Variants in CACNA1E observed in about 807,000 individuals in gnomAD.
CACNA1E encodes the protein calcium voltage-gated channel subunit alpha1 E.
CACNA1E carries 40 observed loss-of-function variants against 259.2 expected under a neutral mutation model. The observed-to-expected ratio is 0.15, with a 90% CI of 0.12 to 0.20. The LOEUF (loss-of-function observed/expected upper bound fraction) is 0.20. CACNA1E is among the 10% of genes least tolerant of loss of function. The pLI, the probability that CACNA1E is intolerant of heterozygous loss-of-function variation, is 1.00. For synonymous variants in CACNA1E, 1,104 were observed against 1,138.5 expected (o/e 0.97, Z 0.61); for missense variants, 1,874 against 3,040.1 (o/e 0.62, Z 9.02).
intron 1 of CACNA1E, among the ~76,000 whole-genome samples, chr1:181,377,817 T>C (rs1655199890): frequency 1.3e-5 from 2 of 152,238 alleles, no homozygotes; most frequent in South Asian, 4.1e-4. Flanking sequence ...CAAGATCATA[T>C]AGCCAATAAA....
intron 2 of CACNA1E, among the ~76,000 whole-genome samples, chr1:181,434,610 G>T (rs1225699069): frequency 6.6e-6 from 1 of 152,204 alleles, no homozygotes; most frequent in African/African-American, 2.4e-5. Context: ...TGTGTGAGCA[G>T]ACATCTGAAT....
rs1658264753 is a variant in CACNA1E, at chr1:181,758,281, G to A, written c.4494+170G>A. Among the ~76,000 whole-genome samples the A allele has an allele frequency of 6.6e-6, 1 of 152,122 alleles. No homozygotes were observed. The highest frequency in any genetic ancestry group is 1.5e-5 in the Non-Finnish European group (1 of 68,030). On this transcript the variant is annotated intron_variant, in intron 31 of 47. Transcript: ENST00000367573. The surrounding 1 kb of genome is among the most constrained non-coding windows in gnomAD (Gnocchi z 4.2). ...AATAACCCAACCTCTGGGGCTTTGGGGGTCCACTGAGCAAAATGCAGTGCA... is the reference window on the plus strand; with the variant it reads ...AATAACCCAACCTCTGGGGCTTTGGAGGTCCACTGAGCAAAATGCAGTGCA...
At chr1:181,721,642 A>G in intron 15 of CACNA1E, 116 bp from the exon 16 acceptor site, 3 of 541,944 alleles carry the variant, frequency 5.5e-6, no homozygotes, top group Non-Finnish European at 1.0e-5. Context: ...CCCTGGCAAG[A>G]TTGTCAAGCA....
rs1465661096 is a variant in CACNA1E, at chr1:181,803,202, T to C, written c.*4368T>C. 1.3e-5 allele frequency: 2 copies of C among 152,086 alleles called. No individual in the cohort carries two copies. The highest frequency in any genetic ancestry group is 1.5e-5 in the Non-Finnish European group (1 of 68,050). 9.4% of individuals were successfully genotyped at this position (152,086 alleles called of 1,614,324 possible). A position where few individuals can be genotyped will look rare whatever the true frequency, so the allele number is the denominator to read the frequency against. The stretch of plus-strand genomic sequence containing the variant: ...CCTTCTCTCATAGATCCCAGAGCAA[T>C]GGGCACCGTCCAGGAGGTACAGGAG... On this transcript the variant is annotated 3_prime_UTR_variant, in exon 48 of 48. Transcript: ENST00000367573.
chr1:181,446,333 T>C (rs1294277014), intron 2 of CACNA1E, among the ~76,000 whole-genome samples: 1 of 152,236 alleles, frequency 6.6e-6, no homozygotes, highest in Non-Finnish European at 1.5e-5. Context: ...GGTCCCAGGC[T>C]TGCTTGGTGC....
Position 181,674,304 on chromosome 1 carries a change from A to C in CACNA1E, c.1055+22863A>C, listed in dbSNP as rs1339730798. Among the ~76,000 whole-genome samples the C allele has an allele frequency of 9.4e-5, 14 of 148,942 alleles. No homozygotes were observed. In the Admixed American group the frequency reaches 9.5e-4, roughly 10 times the overall value. On this transcript the variant is annotated intron_variant, in intron 7 of 47. Transcript: ENST00000367573. ...GCTGCTGGGGAGGCTGAGGCAGCAG[A>C]ATGGCGTGAACCTGGGAGGCGGAGC...
intron 2 of CACNA1E, among the ~76,000 whole-genome samples, chr1:181,434,931 T>TTG (rs1374881758): frequency 1.3e-5 from 2 of 152,220 alleles, no homozygotes; most frequent in Non-Finnish European, 2.9e-5. Flanking sequence ...TCCCAGCTCC[T>TTG]TATTCAGTGA....
In CACNA1E at chr1:181,745,330, A is replaced by T. The variant is rs945551804; in HGVS notation, c.3720-5146A>T. The T allele has an allele frequency of 7.2e-4, 317 of 441,396 alleles. 1 individual carries two copies. The highest frequency in any genetic ancestry group is 6.3e-3 in the African/African-American group (296 of 46,738). The allele number at this position is 441,396 out of a possible 1,614,324, so 27.3% of individuals were successfully genotyped here. ...AGGCAATGGGTGTGAACACCCAAGT[A>T]TTTTTTTTTTTTTTAATTAACAGCA... On this transcript the variant is annotated intron_variant, in intron 25 of 47. Transcript: ENST00000367573.
intron 7 of CACNA1E, among the ~76,000 whole-genome samples, chr1:181,696,579 G>A (rs1161011049): frequency 6.6e-6 from 1 of 152,110 alleles, no homozygotes. Flanking sequence ...AAACCTGTGG[G>A]GAAAAAATGT....
intron 1 of CACNA1E, among the ~76,000 whole-genome samples, chr1:181,356,294 G>A (rs1653427856): frequency 6.6e-6 from 1 of 152,146 alleles, no homozygotes; most frequent in African/African-American, 2.4e-5. Flanking sequence ...AAGAAAAGTA[G>A]CAGGACTCTC....
At chr1:181,459,100 TGGTCCA>T (rs1199543140) in intron 2 of CACNA1E, among the ~76,000 whole-genome samples, 1 of 152,184 alleles carries the variant, frequency 6.6e-6, no homozygotes, top group Non-Finnish European at 1.5e-5. Flanking sequence ...ACTGGGTGGA[TGGTCCA>T]GGAAGGCTCT....
At chr1:181,604,255 T>C (rs977304649) in intron 6 of CACNA1E, among the ~76,000 whole-genome samples, 3 of 152,224 alleles carry the variant, frequency 2.0e-5, no homozygotes, top group African/African-American at 2.4e-5. Context: ...CGTGAGCTTT[T>C]GGGGAACCCT....
intron 6 of CACNA1E, among the ~76,000 whole-genome samples, chr1:181,603,546 G>A (rs1350052442): frequency 6.6e-6 from 1 of 152,000 alleles, no homozygotes; most frequent in African/African-American, 2.4e-5. Context: ...AGAGAGAAAA[G>A]CAACCCCCTC....
intron 2 of CACNA1E, among the ~76,000 whole-genome samples, chr1:181,458,868 T>TCCAC (rs952550810): frequency 2.0e-5 from 3 of 149,170 alleles, no homozygotes; most frequent in Admixed American, 1.4e-4. Context: ...CATCCATCCA[T>TCCAC]CCACCCATCC....
intron 1 of CACNA1E, among the ~76,000 whole-genome samples, chr1:181,384,547 A>G (rs146280959): frequency 6.6e-6 from 1 of 152,316 alleles, no homozygotes; most frequent in African/African-American, 2.4e-5. Flanking sequence ...TGTGTGACTC[A>G]GGCAAGTTAC....
intron 1 of CACNA1E, among the ~76,000 whole-genome samples, chr1:181,408,305 A>G (rs1657609184): frequency 6.6e-6 from 1 of 152,188 alleles, no homozygotes; most frequent in African/African-American, 2.4e-5. Context: ...AGGAAGATGA[A>G]TGTCCTCAAT....
intron 3 of CACNA1E, among the ~76,000 whole-genome samples, chr1:181,535,301 A>G (rs1353922177): frequency 6.6e-6 from 1 of 152,074 alleles, no homozygotes; most frequent in East Asian, 1.9e-4. Context: ...CCCCTCCCCC[A>G]TTTGTCTTTA....
At chr1:181,622,991 T>C (rs1455460573) in intron 6 of CACNA1E, among the ~76,000 whole-genome samples, 1 of 152,216 alleles carries the variant, frequency 6.6e-6, no homozygotes, top group African/African-American at 2.4e-5. Flanking sequence ...TAATTTCTTT[T>C]ATTAGGCTAA....
intron 35 of CACNA1E, among the ~76,000 whole-genome samples, chr1:181,767,530 G>C (rs1234654070): frequency 2.0e-5 from 3 of 152,238 alleles, no homozygotes; most frequent in Admixed American, 1.3e-4. Flanking sequence ...TCCCAACTGT[G>C]TTGCCACCTG....
Sources: allele counts gnomAD v4.1 joint callset (sites outside exome capture counted in the v4.1 genomes callset), GRCh38; gene constraint gnomAD v4.1.1; non-coding constraint Gnocchi (gnomAD v3.1); transcripts MANE v1.5; gene names NCBI Gene and HGNC (gene_info 2026-07-23, HGNC 2026-07-21).